RCBTB1: variants seen among roughly 807,000 people sequenced by gnomAD.
RCBTB1 encodes the protein RCC1 and BTB domain-containing protein 1.
Under a neutral mutation model 62.4 loss-of-function variants are expected in RCBTB1, and 46 were observed. That is an observed-to-expected ratio of 0.74 (90% confidence interval 0.58 to 0.94). RCBTB1 has a LOEUF of 0.94. Ranked by LOEUF, RCBTB1 falls within the 40% of genes least tolerant of loss-of-function variation. RCBTB1 has a pLI of 0.00. For synonymous variants in RCBTB1, 222 were observed against 245.8 expected, an observed-to-expected ratio of 0.90 and a Z score of 0.91; for missense variants, 565 against 654.9, an observed-to-expected ratio of 0.86 and a Z score of 1.50.
At chr13:49,577,791 A>G (rs2137383197) in intron 2 of RCBTB1, among the ~76,000 whole-genome samples, 1 of 152,352 alleles carries the variant, frequency 6.6e-6, no homozygotes, top group South Asian at 2.1e-4. Context: ...TAGCCTAAAC[A>G]TTCTTCAGCA....
At chr13:49,566,913 C>T in intron 3 of RCBTB1, 145 bp from the exon 4 acceptor site, 2 of 876,080 alleles carry the variant, frequency 2.3e-6, no homozygotes, top group Non-Finnish European at 3.4e-6. Context: ...AAAATTCAAC[C>T]TCTGTGGACA....
intron 9 of RCBTB1, chr13:49,546,004 GGC>G: frequency 2.5e-6 from 2 of 786,632 alleles, no homozygotes; most frequent in Non-Finnish European, 3.1e-6. Flanking sequence ...GAGCTCTCCT[GGC>G]TACAGAGGAA....
chr13:49,541,784 C>T lies in RCBTB1; in HGVS notation c.1216G>A (p.Asp406Asn), dbSNP rs1960384575. 3.7e-6 allele frequency: 6 copies of T among 1,614,030 alleles called. No individual in the cohort carries two copies. Among genetic ancestry groups the T allele is most frequent in the African/African-American group, 1.3e-5 (1 of 75,016 alleles). Residue 406 changes from aspartate (D) to asparagine (N), a missense_variant, in exon 11 of 13, where the codon GAC (aspartate) becomes AAC (asparagine). Physicochemically the swap from Asp to Asn is conservative, Grantham distance 23. Transcript: ENST00000378302. ...TCGATTTCTATCACTTCCTTCATGT[C>T]TTCATTCCAATACGACTGGAACATG... ...RSMFQSYWNE[D>N]MKEVIEIDQF...
At chr13:49,576,172 C>T (rs1339147955) in intron 2 of RCBTB1, among the ~76,000 whole-genome samples, 2 of 83,700 alleles carry the variant, frequency 2.4e-5, no homozygotes, top group Non-Finnish European at 4.1e-5. Flanking sequence ...GGGCGACAGG[C>T]GTCGCAAAAA....
chr13:49,553,427 G>A (rs761902294), intron 6 of RCBTB1, among the ~76,000 whole-genome samples: 5 of 152,124 alleles, frequency 3.3e-5, no homozygotes, highest in Middle Eastern at 3.2e-3. Context: ...GTGATAGGGG[G>A]ATCATGAGAG....
intron 7 of RCBTB1, 124 bp from the exon 8 acceptor site, chr13:49,551,592 T>G: frequency 9.1e-7 from 1 of 1,096,812 alleles, no homozygotes; most frequent in Non-Finnish European, 1.3e-6. Context: ...GACTGACATT[T>G]GCTGGAACAT....
At chr13:49,538,878 T>G (rs1308571681) in intron 12 of RCBTB1, among the ~76,000 whole-genome samples, 2 of 135,990 alleles carry the variant, frequency 1.5e-5, no homozygotes, top group Admixed American at 8.5e-5. Context: ...GGATTTTAAG[T>G]TTTTTTTAAC....
Position 49,549,438 on chromosome 13 carries a change from G to A in RCBTB1, c.1045+20C>T, listed in dbSNP as rs368132465. 4 of 1,590,654 alleles carry A rather than the reference G, an allele frequency of 2.5e-6. No homozygotes were observed. The highest frequency in any genetic ancestry group is 2.7e-5 in the African/African-American group (2 of 74,210). ...GTAGTACCATTCTTCCTGGGTGGAG[G>A]TGGCCCTGCACTTTCTTACCCACAG... On this transcript the variant is annotated intron_variant, in intron 9 of 12. Transcript: ENST00000378302.
rs371583314 is a variant in RCBTB1 at position 49,562,276 on chromosome 13, A to T, written c.278-2192T>A. 2.6e-5 allele frequency among the ~76,000 whole-genome samples: 4 copies of T among 152,260 alleles called. No homozygotes were observed. In the East Asian group the frequency reaches 5.8e-4, roughly 22 times the overall value. On this transcript the variant is annotated intron_variant, in intron 4 of 12. Coordinates refer to ENST00000378302, the MANE Select transcript of RCBTB1 (RefSeq NM_018191.4). ...GTTAAAAATTTGACATAAGCGTTGT[A>T]AGATAAAGTTGAAGAAATTTCCCAG...
chr13:49,563,586 G>A (rs1045763875), intron 4 of RCBTB1, among the ~76,000 whole-genome samples: 4 of 152,172 alleles, frequency 2.6e-5, no homozygotes, highest in Non-Finnish European at 5.9e-5. Flanking sequence ...TTGAACCCAG[G>A]AGGCTGATGT....
chr13:49,551,029 C>A, intron 8 of RCBTB1: 2 of 289,544 alleles, frequency 6.9e-6, no homozygotes, highest in Non-Finnish European at 1.3e-5. Context: ...CTTGAACCCA[C>A]GAAGTGAAGG....
At chr13:49,538,846 C>A (rs560690142) in intron 12 of RCBTB1, among the ~76,000 whole-genome samples, 2 of 150,900 alleles carry the variant, frequency 1.3e-5, no homozygotes, top group Non-Finnish European at 2.9e-5. Context: ...AATTTTTCTA[C>A]GTTGAATCTG....
chr13:49,545,009 C>A, intron 9 of RCBTB1, 146 bp from the exon 10 acceptor site: 3 of 594,116 alleles, frequency 5.0e-6, no homozygotes, highest in Admixed American at 3.1e-5. Context: ...CAAATCAATT[C>A]TACGGTATTA....
intron 2 of RCBTB1, among the ~76,000 whole-genome samples, chr13:49,567,923 G>A (rs1259457894): frequency 6.6e-6 from 1 of 152,212 alleles, no homozygotes; most frequent in Non-Finnish European, 1.5e-5. Flanking sequence ...GGAGGTATGG[G>A]TGAGGACAAG....
At position 49,540,963 on chromosome 13, in the gene RCBTB1, T is replaced by C. The variant is rs541037555; in HGVS notation, c.1368A>G (p.Lys456=). 2.5e-5 allele frequency: 41 copies of C among 1,613,472 alleles called. 1 individual carries two copies. In the South Asian group the frequency reaches 4.1e-4, roughly 16 times the overall value. Residue 456 remains lysine (K), a synonymous_variant, in exon 12 of 13, where the codon AAA becomes AAG. Transcript: ENST00000378302. ...LATSYCENRL[K]KLCQHIIKRG... ...TCTTGATAATGTGCTGACAAAGTTT[T>C]TTCAGTCTGTTTTCACAGTAAGATG...
chr13:49,559,090 C>G (rs899306005), intron 5 of RCBTB1, among the ~76,000 whole-genome samples: 1 of 152,144 alleles, frequency 6.6e-6, no homozygotes, highest in Admixed American at 6.5e-5. Context: ...TATCAATTAG[C>G]CAATGGTAAA....
chr13:49,563,593 A>T (rs527347329), intron 4 of RCBTB1, among the ~76,000 whole-genome samples: 134 of 152,276 alleles, frequency 8.8e-4, no homozygotes, highest in Non-Finnish European at 1.8e-3. Flanking sequence ...CAGGAGGCTG[A>T]TGTTACAGTG....
intron 1 of RCBTB1, among the ~76,000 whole-genome samples, chr13:49,584,536 C>T (rs1443237209): frequency 6.6e-6 from 1 of 152,086 alleles, no homozygotes; most frequent in Non-Finnish European, 1.5e-5. Flanking sequence ...ATAAACTGCC[C>T]TCAGGATTCA....
chr13:49,574,273 C>G (rs1225320505), intron 2 of RCBTB1, among the ~76,000 whole-genome samples: 1 of 151,294 alleles, frequency 6.6e-6, no homozygotes, highest in Non-Finnish European at 1.5e-5. Flanking sequence ...TGTGCACCAC[C>G]ACGCCTGGCT....
Sources: allele counts gnomAD v4.1 joint callset (sites outside exome capture counted in the v4.1 genomes callset), GRCh38; gene constraint gnomAD v4.1.1; transcripts MANE v1.5; gene names NCBI Gene and HGNC (gene_info 2026-07-23, HGNC 2026-07-21).